Variants in RPP40 observed in about 807,000 individuals in gnomAD.
RPP40 encodes ribonuclease P protein subunit p40.
RPP40 carries 30 observed loss-of-function variants against 42.5 expected under a neutral mutation model. That is an observed-to-expected ratio of 0.71 (90% CI 0.53 to 0.96). RPP40 has a LOEUF of 0.96. RPP40 is among the 40% of genes least tolerant of loss of function. RPP40 has a pLI of 0.00. For synonymous variants in RPP40, 173 were observed against 164.0 expected (o/e 1.05, Z -0.42); for missense variants, 426 against 433.5 (o/e 0.98, Z 0.15).
At chr6:4,990,838 GC>G (rs1167634042), downstream of RPP40, among the ~76,000 whole-genome samples, 2 of 151,962 alleles carry the variant, frequency 1.3e-5, no homozygotes, top group Non-Finnish European at 2.9e-5. Context: ...CAGATATAGG[GC>G]TATTCAGATC....
downstream of RPP40, among the ~76,000 whole-genome samples, chr6:4,990,128 T>C (rs931739335): frequency 6.6e-5 from 10 of 152,366 alleles, no homozygotes; most frequent in Middle Eastern, 3.4e-3. Context: ...CCTTCTTGAT[T>C]ATCAGTAATG....
Position 5,000,620 on chromosome 6 carries a change from C to T in RPP40, c.280G>A (p.Ala94Thr). The change falls in exon 3 of 8, where the codon GCA becomes ACA. Residue 94 changes from alanine (A) to threonine (T), a missense_variant. Coordinates refer to ENST00000380051, the MANE Select transcript of RPP40 (RefSeq NM_006638.4). ...STFIKKGSCY[A>T]LTYNTHIDED... ...TCAATATGTGTATTGTATGTTAGTG[C>T]ATAGCAAGAACCTGGAAGAGAAAGT... 1 of 1,589,000 alleles carries T rather than the reference C, an allele frequency of 6.3e-7. No homozygotes were observed. Among genetic ancestry groups the T allele is most frequent in the African/African-American group, 1.4e-5 (1 of 74,050 alleles).
chr6:5,000,652 G>A, intron 2 of RPP40, 21 bp from the exon 3 acceptor site: 1 of 1,483,208 alleles, frequency 6.7e-7, no homozygotes, highest in Non-Finnish European at 9.3e-7. Flanking sequence ...AAGTACAGAG[G>A]AAAAATTTAA....
At chr6:4,997,209 G>A (rs1215119890) in intron 5 of RPP40, among the ~76,000 whole-genome samples, 1 of 152,216 alleles carries the variant, frequency 6.6e-6, no homozygotes, top group African/African-American at 2.4e-5. Flanking sequence ...GGCTGGTAAA[G>A]CATTATTTCT....
chr6:4,990,862 T>C (rs1759251075), downstream of RPP40, among the ~76,000 whole-genome samples: 1 of 152,158 alleles, frequency 6.6e-6, no homozygotes, highest in Admixed American at 6.5e-5. Flanking sequence ...CTACTTCTTC[T>C]TGGGTGAGCT....
chr6:4,990,372 A>C (rs1253898670), downstream of RPP40, among the ~76,000 whole-genome samples: 1 of 152,172 alleles, frequency 6.6e-6, no homozygotes, highest in African/African-American at 2.4e-5. Flanking sequence ...GTTGATCTGT[A>C]GTTTTCTTTC....
intron 1 of RPP40, 117 bp downstream of exon 1, chr6:5,003,763 C>T: frequency 7.4e-7 from 1 of 1,345,056 alleles, no homozygotes; most frequent in Non-Finnish European, 1.0e-6. Context: ...GGGCGAGGGC[C>T]CCGCCCCTCC....
At chr6:5,002,327 A>C (rs976647120) in intron 1 of RPP40, 82 bp from the exon 2 acceptor site, 1 of 1,239,298 alleles carries the variant, frequency 8.1e-7, no homozygotes, top group African/African-American at 1.5e-5. Flanking sequence ...CAAAATCATG[A>C]AAGTTGTTAT....
At position 4,994,976 on chromosome 6, in the gene RPP40, G is replaced by A; in HGVS notation, c.*102C>T. 1.9e-6 allele frequency: 2 copies of A among 1,025,672 alleles called. No homozygotes were observed. Among genetic ancestry groups the A allele is most frequent in the East Asian group, 2.5e-5 (1 of 39,278 alleles). The allele number at this position is 1,025,672 out of a possible 1,614,324, so 63.5% of individuals were successfully genotyped here. ...GCCAGCAAATGCTGATCTGAGAAAT[G>A]TCACCATCACACAAGCCTGAGTGGA... On this transcript the variant is annotated 3_prime_UTR_variant, in exon 8 of 8. Transcript: ENST00000380051.
chr6:4,999,910 A>T lies in RPP40; in HGVS notation c.338-6T>A. 2.6e-6 allele frequency: 4 copies of T among 1,531,206 alleles called. No homozygotes were observed. The highest frequency in any genetic ancestry group is 1.1e-5 in the South Asian group (1 of 88,386). The allele number at this position is 1,531,206 out of a possible 1,614,324, so 94.9% of individuals were successfully genotyped here. On this transcript the variant is annotated splice_region_variant and splice_polypyrimidine_tract_variant and intron_variant, in intron 3 of 7. Coordinates refer to ENST00000380051, the MANE Select transcript of RPP40 (RefSeq NM_006638.4). ...CAGTGACAAAATTAATTTCCCTATA[A>T]ATCAAATAATAACTCCCATAAGATA...
intron 1 of RPP40, 26 bp downstream of exon 1, chr6:5,003,854 G>A (rs1759669380): frequency 1.3e-6 from 2 of 1,594,616 alleles, no homozygotes; most frequent in South Asian, 1.1e-5. Flanking sequence ...AGCACGGCCC[G>A]AAAAGCCGAG....
chr6:4,999,145 T>C (rs1378463065), intron 4 of RPP40, among the ~76,000 whole-genome samples: 5 of 110,256 alleles, frequency 4.5e-5, no homozygotes, highest in Non-Finnish European at 8.7e-5. Flanking sequence ...GCCTTAGCTA[T>C]TGATGTTCGA....
chr6:4,996,200 C>G, intron 6 of RPP40, 22 bp downstream of exon 6: 2 of 1,611,194 alleles, frequency 1.2e-6, no homozygotes, highest in Non-Finnish European at 1.7e-6. Context: ...CCCTGGAAGA[C>G]ACAGGGAGTT....
At chr6:5,001,027 G>A (rs1426404991) in intron 2 of RPP40, 2 of 462,060 alleles carry the variant, frequency 4.3e-6, no homozygotes, top group Non-Finnish European at 8.7e-6. Context: ...TTCACTCCCT[G>A]ACCAACAGCC....
Position 4,996,429 on chromosome 6 carries a change from C to A in RPP40, c.560-9G>T, listed in dbSNP as rs375049009. ...TGTCGATTCTTCTGAACCTTAAAAA[C>A]ACACCACACAAGGCCATTTGAATCC... On this transcript the variant is annotated splice_polypyrimidine_tract_variant and intron_variant, in intron 5 of 7. Coordinates refer to ENST00000380051, the MANE Select transcript of RPP40 (RefSeq NM_006638.4). 14 of 1,611,774 alleles carry A rather than the reference C, an allele frequency of 8.7e-6. No homozygotes were observed. Among genetic ancestry groups the A allele is most frequent in the Non-Finnish European group, 1.2e-5 (14 of 1,179,944 alleles).
chr6:4,992,456 T>C (rs576589785), downstream of RPP40, among the ~76,000 whole-genome samples: 16 of 152,296 alleles, frequency 1.1e-4, no homozygotes, highest in Middle Eastern at 0.01. Flanking sequence ...AGATATTTCT[T>C]TATGGCAGTG....
downstream of RPP40, among the ~76,000 whole-genome samples, chr6:4,993,125 A>G (rs1461659415): frequency 6.6e-6 from 1 of 152,214 alleles, no homozygotes; most frequent in African/African-American, 2.4e-5. Flanking sequence ...CCATGTTGTT[A>G]CTATTTCCAG....
chr6:5,000,241 G>A (rs1044995053), intron 3 of RPP40, among the ~76,000 whole-genome samples: 11 of 151,592 alleles, frequency 7.3e-5, no homozygotes, highest in Middle Eastern at 3.4e-3. Flanking sequence ...AGGCTGGAGC[G>A]CAGTGGCGCA....
At chr6:4,994,251 T>C (rs1340631014), downstream of RPP40, among the ~76,000 whole-genome samples, 24 of 37,118 alleles carry the variant, frequency 6.5e-4, no homozygotes, top group Non-Finnish European at 1.1e-3. Flanking sequence ...TGTTGTGGGG[T>C]GGGGGGAGGG....
Sources: gnomAD v4.1 joint callset for allele counts (sites outside exome capture counted in the v4.1 genomes callset) on GRCh38, gnomAD v4.1.1 for gene constraint, MANE v1.5 for transcripts, NCBI Gene and HGNC (gene_info 2026-07-23, HGNC 2026-07-21) for gene names.